NPHS2: variants seen among roughly 807,000 people sequenced by gnomAD.
NPHS2 encodes NPHS2 stomatin family member, podocin.
Under a neutral mutation model 37.1 loss-of-function variants are expected in NPHS2, and 36 were observed. That is an observed-to-expected ratio of 0.97 (90% CI 0.74 to 1.28). NPHS2 has a LOEUF of 1.28. Among genes scored for constraint, NPHS2 ranks in the 50% most tolerant of loss-of-function variants. The pLI is 0.00. For synonymous variants in NPHS2, 196 were observed against 189.3 expected, an observed-to-expected ratio of 1.04 and a Z score of -0.29; for missense variants, 447 against 488.1, an observed-to-expected ratio of 0.92 and a Z score of 0.79.
At chr1:179,575,529 C>G (rs568294841) in intron 1 of NPHS2, 62 bp downstream of exon 1, 316 of 1,593,910 alleles carry the variant, frequency 2.0e-4, no homozygotes, top group Non-Finnish European at 2.6e-4. Flanking sequence ...CCCTTTCCAC[C>G]TTATCTGACG....
intron 7 of NPHS2, chr1:179,551,753 T>G: frequency 2.6e-6 from 1 of 385,024 alleles, no homozygotes; most frequent in Non-Finnish European, 4.8e-6. Flanking sequence ...GAGAAAAGAT[T>G]AGCCAGCATT....
intron 1 of NPHS2, among the ~76,000 whole-genome samples, chr1:179,574,331 A>C (rs1674675939): frequency 6.6e-6 from 1 of 152,196 alleles, no homozygotes; most frequent in Non-Finnish European, 1.5e-5. Context: ...CATGTTACTT[A>C]ATTTCTCAGA....
intron 4 of NPHS2, among the ~76,000 whole-genome samples, chr1:179,559,430 T>C (rs1674051908): frequency 6.6e-6 from 1 of 152,232 alleles, no homozygotes; most frequent in African/African-American, 2.4e-5. Context: ...GTTGTTGAGA[T>C]GTATGAGTTC....
Position 179,550,839 on chromosome 1 carries a change from G to A in NPHS2, c.*334C>T, listed in dbSNP as rs1217413453. The stretch of plus-strand genomic sequence containing the variant: ...TGGCAACCTTGCCAAAGGGGTCAGA[G>A]GACATACAGTGAAAGGGACATCTGA... On this transcript the variant is annotated 3_prime_UTR_variant, in exon 8 of 8. Coordinates refer to ENST00000367615, the MANE Select transcript of NPHS2 (RefSeq NM_014625.4). 1 of 374,024 alleles carries A rather than the reference G, an allele frequency of 2.7e-6. No individual in the cohort carries two copies. The highest frequency in any genetic ancestry group is 5.1e-6 in the Non-Finnish European group (1 of 195,034). 23.2% of individuals were successfully genotyped at this position (374,024 alleles called of 1,614,324 possible). A position where few individuals can be genotyped will look rare whatever the true frequency, so the allele number is the denominator to read the frequency against.
chr1:179,563,086 T>G (rs1052362862), intron 2 of NPHS2, among the ~76,000 whole-genome samples: 3 of 152,170 alleles, frequency 2.0e-5, no homozygotes, highest in African/African-American at 7.2e-5. Flanking sequence ...GAGACACACT[T>G]TATATTCAAA....
intron 5 of NPHS2, 30 bp from the exon 6 acceptor site, chr1:179,554,561 G>A (rs761566544): frequency 1.8e-5 from 29 of 1,613,996 alleles, no homozygotes; most frequent in Non-Finnish European, 2.2e-5. Context: ...GATGTCAGTG[G>A]GAGCCTCCAG....
intron 7 of NPHS2, 93 bp downstream of exon 7, chr1:179,552,510 C>G: frequency 1.0e-6 from 1 of 973,072 alleles, no homozygotes; most frequent in Non-Finnish European, 1.6e-6. Context: ...TGCCCAGTGC[C>G]TAATGAATGG....
chr1:179,574,630 C>A (rs902141592), intron 1 of NPHS2, among the ~76,000 whole-genome samples: 3 of 152,180 alleles, frequency 2.0e-5, no homozygotes, highest in African/African-American at 7.2e-5. Context: ...AGAAATCTTC[C>A]TTAAATGGTA....
In NPHS2 at chr1:179,557,136, A is replaced by G. The variant is rs748807472; in HGVS notation, c.629T>C (p.Val210Ala). The change falls in exon 5 of 8, where the codon GTA (valine) becomes GCA (alanine). Residue 210 changes from valine (V) to alanine (A), a missense_variant. Coordinates refer to ENST00000367615, the MANE Select transcript of NPHS2 (RefSeq NM_014625.4). ...CACAAGGAATTGCACAGCTTTAGAT[A>G]CATGAGCAAGACTGCTTAGGAGAAG... The part of the protein sequence containing the change: ...ASLLLSSLAH[V>A]SKAVQFLVQT... 6.2e-7 allele frequency: 1 copy of G among 1,614,134 alleles called. No individual in the cohort carries two copies. The highest frequency in any genetic ancestry group is 1.7e-5 in the Admixed American group (1 of 60,008).
chr1:179,555,035 A>G (rs1436800365), intron 5 of NPHS2, among the ~76,000 whole-genome samples: 1 of 152,222 alleles, frequency 6.6e-6, no homozygotes, highest in East Asian at 1.9e-4. Flanking sequence ...AAATGCAGGC[A>G]GCCACCAGAT....
At chr1:179,553,205 C>G (rs61826365) in intron 6 of NPHS2, among the ~76,000 whole-genome samples, 30,873 of 152,154 alleles carry the variant, frequency 0.2, 3,813 homozygotes, top group Non-Finnish European at 0.27. Context: ...TTAGCTGCCC[C>G]TCAAAAAGTT....
At position 179,575,923 on chromosome 1, in the gene NPHS2, C is replaced by T. The variant is rs1674755251; in HGVS notation, c.-59G>A. ...CGGGAGCGCTAGGGGCACGGGAGCG[C>T]AGTCCCTGTGGAGTCGCTGCGGGTC... On this transcript the variant is annotated 5_prime_UTR_variant, in exon 1 of 8. Coordinates refer to ENST00000367615, the MANE Select transcript of NPHS2 (RefSeq NM_014625.4). The T allele has an allele frequency of 7.5e-7, 1 of 1,342,190 alleles. No individual in the cohort carries two copies. The highest frequency in any genetic ancestry group is 9.5e-7 in the Non-Finnish European group (1 of 1,051,824). 83.1% of individuals were successfully genotyped at this position (1,342,190 alleles called of 1,614,324 possible).
In NPHS2 at chr1:179,575,762, C is replaced by T. The variant is rs746606967; in HGVS notation, c.103G>A (p.Gly35Ser). 2.3e-5 allele frequency: 34 copies of T among 1,498,980 alleles called. No individual in the cohort carries two copies. The highest frequency in any genetic ancestry group is 3.0e-5 in the Non-Finnish European group (34 of 1,128,682). 92.9% of individuals were successfully genotyped at this position (1,498,980 alleles called of 1,614,324 possible). The change falls in exon 1 of 8, where the codon GGC (glycine) becomes AGC (serine). Residue 35 changes from glycine to serine, a missense_variant. Physicochemically the swap from Gly to Ser is moderately conservative, Grantham distance 56. Transcript: ENST00000367615. Reference sequence around the variant, plus strand: ...GGCCCAGCCTCCTGGCGCCCGCGGCCTCCGCCGCTCCTCTCGGCCTTTGCC... The same window carrying T: ...GGCCCAGCCTCCTGGCGCCCGCGGCTTCCGCCGCTCCTCTCGGCCTTTGCC... ...KRAKAERSGG[G>S]RGRQEAGPEP...
rs1404442179 is a variant in NPHS2 at position 179,559,621 on chromosome 1, C to A, written c.534+58G>T. ...TTTGAGTATAAATAATCATTTTGTCCACGGTAGGTAGACCATGGAAAATGT... is the reference window on the plus strand; with the variant it reads ...TTTGAGTATAAATAATCATTTTGTCAACGGTAGGTAGACCATGGAAAATGT... On this transcript the variant is annotated intron_variant, in intron 4 of 7. Transcript: ENST00000367615. 9.1e-6 allele frequency: 10 copies of A among 1,093,792 alleles called. No homozygotes were observed. The South Asian group carries it at 1.1e-4, about 12-fold the overall frequency. 67.8% of individuals were successfully genotyped at this position (1,093,792 alleles called of 1,614,324 possible).
chr1:179,559,709 A>G lies in NPHS2; in HGVS notation c.504T>C (p.Arg168=). The G allele has an allele frequency of 3.1e-6, 5 of 1,592,034 alleles. No individual in the cohort carries two copies. The highest frequency in any genetic ancestry group is 4.3e-6 in the Non-Finnish European group (5 of 1,166,698). ...GAAAAGGTATCTCCAGAGTTTGGAG[A>G]CGAAGGTCAACCTTGTGGTAGGTAT... ...CLDTYHKVDL[R]LQTLEIPFHE... is the part of the protein sequence containing the mutation. Residue 168 remains arginine, a synonymous_variant, in exon 4 of 8, where the codon CGT becomes CGC. Transcript: ENST00000367615.
chr1:179,568,447 C>T (rs982185931), intron 1 of NPHS2, among the ~76,000 whole-genome samples: 3 of 151,950 alleles, frequency 2.0e-5, no homozygotes, highest in African/African-American at 7.3e-5. Context: ...ACTCTCTTTT[C>T]TTCTTTATTA....
intron 5 of NPHS2, among the ~76,000 whole-genome samples, chr1:179,555,347 C>T (rs755241199): frequency 7.2e-5 from 11 of 151,912 alleles, no homozygotes; most frequent in Non-Finnish European, 1.3e-4. Context: ...ACAGCTGATG[C>T]TGGTGGTTCC....
rs368618796 is a variant in NPHS2, at chr1:179,570,996, G to A, written c.274+4595C>T. On this transcript the variant is annotated intron_variant, in intron 1 of 7. Transcript: ENST00000367615. The stretch of plus-strand genomic sequence containing the variant: ...TTTTAAAGGTTTTAAGCTTCCTTGC[G>A]ATGGGTTCGAACATCCTCCTTTAGC... Among the ~76,000 whole-genome samples, 6 of 152,192 alleles carry A rather than the reference G, an allele frequency of 3.9e-5. No individual in the cohort carries two copies. In the East Asian group the frequency reaches 7.8e-4, roughly 20 times the overall value.
rs76173962 is a variant in NPHS2, at chr1:179,575,059, G to A, written c.274+532C>T. Among the ~76,000 whole-genome samples the A allele has an allele frequency of 5.5e-3, 845 of 152,306 alleles. 7 individuals are homozygous for A. Among genetic ancestry groups the A allele is most frequent in the African/African-American group, 0.02 (811 of 41,574 alleles). ...GGTCCTTCCTATGATCACATGGCTA[G>A]CAAGTGGTTGAGCTGTGATTTAAAC... On this transcript the variant is annotated intron_variant, in intron 1 of 7. Transcript: ENST00000367615.
Sources: gnomAD v4.1 joint callset for allele counts (sites outside exome capture counted in the v4.1 genomes callset) on GRCh38, gnomAD v4.1.1 for gene constraint, MANE v1.5 for transcripts, NCBI Gene and HGNC (gene_info 2026-07-23, HGNC 2026-07-21) for gene names.